Variants in ATG10 observed in about 807,000 individuals in gnomAD.
The protein encoded by ATG10 is autophagy related 10.
A neutral mutation model predicts 32.1 loss-of-function variants in ATG10; 30 were observed. The ratio of observed to expected loss-of-function variants is 0.94; its 90% CI spans 0.70 to 1.27. The LOEUF (loss-of-function observed/expected upper bound fraction) is 1.27. Ranked by LOEUF, ATG10 falls within the 50% of genes most tolerant of loss-of-function variation. ATG10 has a pLI of 0.00. For missense variants in ATG10, 233 were observed against 262.3 expected, an observed-to-expected ratio of 0.89 and a Z score of 0.77; for synonymous variants, 87 against 91.5, an observed-to-expected ratio of 0.95 and a Z score of 0.28.
chr5:82,095,645 G>A (rs749095774), intron 3 of ATG10, among the ~76,000 whole-genome samples: 3 of 151,956 alleles, frequency 2.0e-5, no homozygotes, highest in Non-Finnish European at 2.9e-5. Context: ...GTGTATACTT[G>A]CAGCTGGTAG....
intron 2 of ATG10, among the ~76,000 whole-genome samples, chr5:81,993,060 T>C (rs1761506503): frequency 6.6e-6 from 1 of 152,148 alleles, no homozygotes; most frequent in South Asian, 2.1e-4. Flanking sequence ...CATGATGGTC[T>C]GTCAGATATT....
intron 3 of ATG10, among the ~76,000 whole-genome samples, chr5:82,153,435 G>A (rs1279170782): frequency 6.6e-6 from 1 of 152,156 alleles, no homozygotes; most frequent in Non-Finnish European, 1.5e-5. Context: ...ACACTTTTTA[G>A]TGGGCTGCAG....
At chr5:82,027,399 A>C (rs2149712101) in intron 2 of ATG10, among the ~76,000 whole-genome samples, 1 of 152,042 alleles carries the variant, frequency 6.6e-6, no homozygotes, top group Admixed American at 6.5e-5. Context: ...ACCCTGTCTC[A>C]AAAAAAAGAG....
At position 82,248,426 on chromosome 5, in the gene ATG10, C is replaced by A. The variant is rs183396460; in HGVS notation, c.454-4136C>A. Among the ~76,000 whole-genome samples, 1,316 of 152,296 alleles carry A rather than the reference C, an allele frequency of 8.6e-3. 22 individuals carry two copies. The highest frequency in any genetic ancestry group is 0.03 in the African/African-American group (1,253 of 41,560). On this transcript the variant is annotated intron_variant, in intron 5 of 7. Coordinates refer to ENST00000282185, the MANE Select transcript of ATG10 (RefSeq NM_031482.5). ...TTATGGCCAGATTGCTCTGGTAAAA[C>A]TTCTGTTGATGGAGTGTCTGGGGAC...
chr5:82,202,621 T>G (rs1174293266), intron 5 of ATG10, among the ~76,000 whole-genome samples: 1 of 152,226 alleles, frequency 6.6e-6, no homozygotes, highest in Non-Finnish European at 1.5e-5. Flanking sequence ...TCTCAGAGGC[T>G]CCTTTTCCTG....
chr5:82,198,770 A>G (rs1744955600), intron 5 of ATG10, among the ~76,000 whole-genome samples: 1 of 152,230 alleles, frequency 6.6e-6, no homozygotes, highest in South Asian at 2.1e-4. Flanking sequence ...GCCTGAAACT[A>G]TTTAATTGCT....
At chr5:82,115,232 A>G (rs891481417) in intron 3 of ATG10, among the ~76,000 whole-genome samples, 2 of 151,916 alleles carry the variant, frequency 1.3e-5, no homozygotes, top group Admixed American at 6.6e-5. Flanking sequence ...ATTGAAAATG[A>G]TTGGGTAGTA....
chr5:82,072,730 A>G (rs1444299239), intron 3 of ATG10, among the ~76,000 whole-genome samples: 2 of 152,214 alleles, frequency 1.3e-5, no homozygotes, highest in African/African-American at 4.8e-5. Flanking sequence ...TTTTTAAATA[A>G]AAGTCGATCC....
intron 4 of ATG10, among the ~76,000 whole-genome samples, chr5:82,167,496 A>G: frequency 6.6e-6 from 1 of 152,230 alleles, no homozygotes; most frequent in East Asian, 1.9e-4. Flanking sequence ...GAATGGAAAC[A>G]TTGTGATGGT....
Position 82,047,773 on chromosome 5 carries a change from C to T in ATG10, c.109-10722C>T, listed in dbSNP as rs548501543. Among the ~76,000 whole-genome samples, 24 of 152,218 alleles carry T rather than the reference C, an allele frequency of 1.6e-4. No homozygotes were observed. In the East Asian group the frequency reaches 4.2e-3, roughly 27 times the overall value. On this transcript the variant is annotated intron_variant, in intron 2 of 7. Coordinates refer to ENST00000282185, the MANE Select transcript of ATG10 (RefSeq NM_031482.5). The stretch of plus-strand genomic sequence containing the variant: ...GAAAAGAAGGGGGACTTGGTAGGTT[C>T]GAGAGCTTCCAGGAAAAGGGAGTAG...
chr5:82,140,674 TG>T (rs1767079609), intron 3 of ATG10, among the ~76,000 whole-genome samples: 1 of 46,090 alleles, frequency 2.2e-5, no homozygotes, highest in Non-Finnish European at 4.7e-5. Flanking sequence ...CCGCCCCTAC[TG>T]GGAAGTGAGG....
At chr5:82,170,236 C>T (rs1271749604) in intron 4 of ATG10, among the ~76,000 whole-genome samples, 3 of 152,050 alleles carry the variant, frequency 2.0e-5, no homozygotes, top group Non-Finnish European at 2.9e-5. Context: ...GAAAAAACAT[C>T]TCTTTGCTTA....
chr5:82,159,063 G>A (rs149538894), intron 3 of ATG10, among the ~76,000 whole-genome samples: 1 of 152,094 alleles, frequency 6.6e-6, no homozygotes, highest in Admixed American at 6.6e-5. Flanking sequence ...CAAATTTCCA[G>A]TATCACTACC....
intron 3 of ATG10, among the ~76,000 whole-genome samples, chr5:82,142,899 T>C (rs572770055): frequency 9.8e-5 from 15 of 152,302 alleles, no homozygotes; most frequent in East Asian, 9.6e-4. Context: ...CTGGGTATTA[T>C]GTACATGCCG....
intron 3 of ATG10, among the ~76,000 whole-genome samples, chr5:82,142,757 A>C (rs986073053): frequency 1.3e-5 from 2 of 152,198 alleles, no homozygotes; most frequent in Admixed American, 1.3e-4. Flanking sequence ...TAAGGGCTTA[A>C]CTAGGGGAGT....
intron 3 of ATG10, among the ~76,000 whole-genome samples, chr5:82,154,269 A>G (rs1767726315): frequency 6.6e-6 from 1 of 152,312 alleles, no homozygotes; most frequent in East Asian, 1.9e-4. Flanking sequence ...CTGCAGTGGC[A>G]AAGTTGAGTG....
intron 2 of ATG10, among the ~76,000 whole-genome samples, chr5:82,023,586 A>G (rs1385554582): frequency 6.6e-6 from 1 of 152,270 alleles, no homozygotes; most frequent in Admixed American, 6.5e-5. Flanking sequence ...ATTTAATGTT[A>G]CATTAATGAG....
intron 3 of ATG10, among the ~76,000 whole-genome samples, chr5:82,161,473 G>A (rs566138673): frequency 8.5e-5 from 13 of 152,078 alleles, no homozygotes; most frequent in Admixed American, 8.5e-4. Context: ...TCACATACCT[G>A]GTGTCAACCC....
intron 3 of ATG10, among the ~76,000 whole-genome samples, chr5:82,085,861 A>G (rs1764668729): frequency 6.6e-6 from 1 of 151,474 alleles, no homozygotes; most frequent in South Asian, 2.1e-4. Context: ...ATTATCCCCT[A>G]TTAGACCCTC....
Sources: allele counts gnomAD v4.1 joint callset (sites outside exome capture counted in the v4.1 genomes callset), GRCh38; gene constraint gnomAD v4.1.1; transcripts MANE v1.5; gene names NCBI Gene and HGNC (gene_info 2026-07-23, HGNC 2026-07-21).